The following LYST variants were observed in gnomAD, a reference collection of about 807,000 sequenced individuals.
LYST encodes the protein lysosomal trafficking regulator.
In LYST, 192 loss-of-function variants were observed where a neutral mutation model predicts 413.6. The ratio of observed to expected loss-of-function variants is 0.46; its 90% CI spans 0.41 to 0.52. The LOEUF is 0.52. Among genes scored for constraint, LYST ranks in the 20% least tolerant of loss-of-function variants. The pLI, the probability that LYST is intolerant of heterozygous loss-of-function variation, is 0.00. For missense variants in LYST, 3,815 were observed against 4,499.9 expected, an observed-to-expected ratio of 0.85 and a Z score of 4.35; for synonymous variants, 1,525 against 1,567.3, an observed-to-expected ratio of 0.97 and a Z score of 0.64.
rs1659198099 is a variant in LYST at position 235,674,265 on chromosome 1, CAAGCGG to C, written c.11038+2820_11038+2825del. The stretch of plus-strand genomic sequence containing the variant: ...GCCTGTCTGCCCTTGTTTTCATCCC[CAAGCGG>C]ATGTATGGTAGTATTGTAGTGGACC... On this transcript the variant is annotated intron_variant, in intron 50 of 52. Transcript: ENST00000389793. The surrounding 1 kb of genome is among the most constrained non-coding windows in gnomAD (Gnocchi z 4.1). Among the ~76,000 whole-genome samples the C allele has an allele frequency of 6.6e-6, 1 of 152,100 alleles. No homozygotes were observed. The highest frequency in any genetic ancestry group is 1.5e-5 in the Non-Finnish European group (1 of 68,024).
intron 3 of LYST, among the ~76,000 whole-genome samples, chr1:235,821,442 G>C (rs1013773392): frequency 6.6e-6 from 1 of 151,708 alleles, no homozygotes; most frequent in Non-Finnish European, 1.5e-5. Flanking sequence ...CTGAGACCCT[G>C]CCTCGAAAAA....
intron 24 of LYST, among the ~76,000 whole-genome samples, chr1:235,755,998 A>AATCTAT (rs59482097): frequency 0.1 from 14,679 of 142,684 alleles, 949 homozygotes; most frequent in East Asian, 0.2. Context: ...TCTCTCTGCA[A>AATCTAT]ATCTATATCT....
At chr1:235,839,822 G>GAAATAAAATA (rs1220305549) in intron 1 of LYST, 2 of 150,348 alleles carry the variant, frequency 1.3e-5, no homozygotes, top group African/African-American at 2.4e-5. Context: ...AAAATAAAAT[G>GAAATAAAATA]AAATAAAATA....
chr1:235,692,792 G>A lies in LYST; in HGVS notation c.10701+558C>T, dbSNP rs558092317. On this transcript the variant is annotated intron_variant, in intron 47 of 52. Transcript: ENST00000389793. ...TCCCAGCACTCTGGGAGGCCAAGGCGGGTGAATCATTTGAGTCCAGGAGTT... is the reference window on the plus strand; with the variant it reads ...TCCCAGCACTCTGGGAGGCCAAGGCAGGTGAATCATTTGAGTCCAGGAGTT... 3.3e-5 allele frequency among the ~76,000 whole-genome samples: 5 copies of A among 152,090 alleles called. No individual in the cohort carries two copies. In the South Asian group the frequency reaches 6.2e-4, roughly 19 times the overall value.
chr1:235,822,852 A>G (rs984501152), intron 3 of LYST, among the ~76,000 whole-genome samples: 1 of 152,222 alleles, frequency 6.6e-6, no homozygotes, highest in African/African-American at 2.4e-5. Context: ...TATCATGTAA[A>G]GAAGCTGAGT....
At chr1:235,726,204 A>G (rs939369877) in intron 38 of LYST, among the ~76,000 whole-genome samples, 1 of 152,064 alleles carries the variant, frequency 6.6e-6, no homozygotes, top group Non-Finnish European at 1.5e-5. Flanking sequence ...TTAGGACTCA[A>G]TTGCCAAGAA....
chr1:235,677,675 T>C (rs1196213329), intron 48 of LYST, 56 bp from the exon 49 acceptor site: 21 of 1,362,992 alleles, frequency 1.5e-5, no homozygotes, highest in East Asian at 2.3e-5. Context: ...TACTCTAGTA[T>C]AGTATCTCAA....
chr1:235,882,092 A>G (rs1201992419), intron 1 of LYST, among the ~76,000 whole-genome samples: 1 of 151,862 alleles, frequency 6.6e-6, no homozygotes, highest in Non-Finnish European at 1.5e-5. Context: ...ACACACACAC[A>G]CACACACACA....
At chr1:235,793,468 A>G in intron 11 of LYST, 35 bp downstream of exon 11, 1 of 947,548 alleles carries the variant, frequency 1.1e-6, no homozygotes, top group Non-Finnish European at 1.7e-6. Flanking sequence ...GAAAGAATTT[A>G]TCAGTGAAAA....
Position 235,808,859 on chromosome 1 carries a change from T to G in LYST, c.1959A>C (p.Thr653=). 2 of 1,614,026 alleles carry G rather than the reference T, an allele frequency of 1.2e-6. No individual in the cohort carries two copies. The highest frequency in any genetic ancestry group is 2.2e-5 in the South Asian group (2 of 91,086). ...DSDQLAQLEE[T]LQGNLCDAEL... ...CAGCATCACATAAGTTTCCCTGCAGTGTCTCTTCTAATTGGGCTAGTTGGT... is the reference window on the plus strand; with the variant it reads ...CAGCATCACATAAGTTTCCCTGCAGGGTCTCTTCTAATTGGGCTAGTTGGT... Residue 653 remains threonine, a synonymous_variant, in exon 5 of 53, where the codon ACA becomes ACC. Transcript: ENST00000389793.
chr1:235,726,571 T>C (rs1350242199), intron 38 of LYST, among the ~76,000 whole-genome samples: 2 of 152,132 alleles, frequency 1.3e-5, no homozygotes, highest in African/African-American at 4.8e-5. Flanking sequence ...TACCAAATGT[T>C]ATATAAGAAG....
rs1251205120 is a variant in LYST at position 235,662,971 on chromosome 1, T to C, written c.11375A>G (p.Tyr3792Cys). 1.2e-6 allele frequency: 2 copies of C among 1,609,070 alleles called. No individual in the cohort carries two copies. The highest frequency in any genetic ancestry group is 2.2e-5 in the South Asian group (2 of 90,938). The change falls in exon 53 of 53, where the codon TAT becomes TGT. Residue 3792 changes from tyrosine to cysteine, a missense_variant. Physicochemically the swap from Tyr to Cys is radical, Grantham distance 194 (BLOSUM62 -2). Around this residue, in one of 4 missense-constraint regions of LYST, gnomAD observed 866 missense variants for 1,156.0 expected, o/e 0.75. Coordinates refer to ENST00000389793, the MANE Select transcript of LYST (RefSeq NM_000081.4). ...GGCTGCATAGCTGCTAAGGAAGGAA[T>C]AGAACATTGGCTGTTTCAAGCGCTG... ...DQQRLKQPMF[Y>C]SFLSSYAAG
chr1:235,841,403 C>T (rs1413042175), intron 1 of LYST, among the ~76,000 whole-genome samples: 1 of 152,046 alleles, frequency 6.6e-6, no homozygotes, highest in Admixed American at 6.6e-5. Context: ...GCGGCGTGGC[C>T]AGCCATCTCC....
At chr1:235,780,543 T>G (rs939476871) in intron 16 of LYST, among the ~76,000 whole-genome samples, 2 of 152,124 alleles carry the variant, frequency 1.3e-5, no homozygotes, top group Non-Finnish European at 2.9e-5. Flanking sequence ...TTTAGGAGTA[T>G]GTCAAACTAA....
At chr1:235,745,014 TC>T (rs965118343) in intron 29 of LYST, among the ~76,000 whole-genome samples, 3 of 152,182 alleles carry the variant, frequency 2.0e-5, no homozygotes, top group Admixed American at 2.0e-4. Context: ...TTTCCTGTCT[TC>T]CTCGGGTTAC....
intron 50 of LYST, among the ~76,000 whole-genome samples, chr1:235,669,929 C>T (rs1167833512): frequency 6.6e-6 from 1 of 152,112 alleles, no homozygotes; most frequent in Non-Finnish European, 1.5e-5. Flanking sequence ...TGGGGATTGA[C>T]CTATGTAACA....
At chr1:235,678,270 T>C (rs1360648991) in intron 48 of LYST, among the ~76,000 whole-genome samples, 1 of 152,108 alleles carries the variant, frequency 6.6e-6, no homozygotes, top group Non-Finnish European at 1.5e-5. Context: ...CTGGCCAACA[T>C]GGTGAAACCC....
intron 3 of LYST, chr1:235,830,004 T>C (rs922709484): frequency 4.8e-5 from 25 of 522,470 alleles, no homozygotes; most frequent in African/African-American, 4.1e-4. Context: ...ATGAAACCAT[T>C]TAGTTCTTAG....
At chr1:235,750,064 T>C (rs1445293009) in intron 28 of LYST, among the ~76,000 whole-genome samples, 1 of 152,052 alleles carries the variant, frequency 6.6e-6, no homozygotes, top group Non-Finnish European at 1.5e-5. Flanking sequence ...AGAGGGCAAA[T>C]TCCATCTAAG....
Sources: allele counts gnomAD v4.1 joint callset (sites outside exome capture counted in the v4.1 genomes callset), GRCh38; gene constraint gnomAD v4.1.1; regional missense constraint gnomAD v4.1.1; non-coding constraint Gnocchi (gnomAD v3.1); transcripts MANE v1.5; gene names NCBI Gene and HGNC (gene_info 2026-07-23, HGNC 2026-07-21).